The following PREX2 variants were observed in gnomAD, a reference collection of about 807,000 sequenced individuals.
The protein encoded by PREX2 is phosphatidylinositol-3,4,5-trisphosphate dependent Rac exchange factor 2.
PREX2 carries 107 observed loss-of-function variants against 203.2 expected under a neutral mutation model. The ratio of observed to expected loss-of-function variants is 0.53; its 90% CI spans 0.45 to 0.62. PREX2 has a LOEUF of 0.62. PREX2 is among the 20% of genes least tolerant of loss of function. PREX2 has a pLI of 0.00. For missense variants in PREX2, 1,777 were observed against 1,955.9 expected, an observed-to-expected ratio of 0.91 and a Z score of 1.72; for synonymous variants, 672 against 663.6, an observed-to-expected ratio of 1.01 and a Z score of -0.19.
chr8:68,118,398 T>G (rs1202829735), intron 26 of PREX2, 152 bp from the exon 27 acceptor site: 18 of 562,348 alleles, frequency 3.2e-5, no homozygotes, highest in Middle Eastern at 6.5e-4. Context: ...CTTTAAAAAG[T>G]AAGATAGACT....
chr8:68,196,982 T>C (rs1488586974), intron 37 of PREX2, among the ~76,000 whole-genome samples: 1 of 152,172 alleles, frequency 6.6e-6, no homozygotes, highest in Non-Finnish European at 1.5e-5. Flanking sequence ...TATTTTCTCA[T>C]AGTTCTGGAG....
In PREX2 at chr8:68,120,261, T is replaced by G; in HGVS notation, c.3570T>G (p.Tyr1190Ter). The change falls in exon 29 of 40, where the codon TAT becomes TAG. Residue 1190 changes from tyrosine to a stop codon, truncating the protein, a stop_gained. Coordinates refer to ENST00000288368, the MANE Select transcript of PREX2 (RefSeq NM_024870.4). LOFTEE classifies it high-confidence loss of function. ...AVVRAFDQTK[Y>*]LTPGRGLQEF... ...TGAGGGCCTTTGACCAAACCAAGTA[T>G]CTCACTCCAGGCCGAGGATTGCAAG... The G allele has an allele frequency of 6.2e-7, 1 of 1,613,736 alleles. No individual in the cohort carries two copies. Among genetic ancestry groups the G allele is most frequent in the Non-Finnish European group, 8.5e-7 (1 of 1,179,736 alleles).
chr8:68,037,882 G>A (rs1166711421), intron 6 of PREX2, among the ~76,000 whole-genome samples: 2 of 152,200 alleles, frequency 1.3e-5, no homozygotes, highest in East Asian at 3.9e-4. Flanking sequence ...ACATGACATA[G>A]GTGACATGTA....
intron 8 of PREX2, among the ~76,000 whole-genome samples, chr8:68,045,002 T>C (rs1808308778): frequency 6.6e-6 from 1 of 152,128 alleles, no homozygotes; most frequent in Non-Finnish European, 1.5e-5. Flanking sequence ...GTCTTAGCTA[T>C]GTAGTTGTTT....
chr8:68,076,847 T>A (rs919244740), intron 14 of PREX2, among the ~76,000 whole-genome samples: 3 of 152,176 alleles, frequency 2.0e-5, no homozygotes, highest in Non-Finnish European at 4.4e-5. Context: ...ATCTGATTTT[T>A]TTTTTTGGCA....
At chr8:68,032,107 A>G (rs1807902609) in intron 6 of PREX2, among the ~76,000 whole-genome samples, 1 of 152,196 alleles carries the variant, frequency 6.6e-6, no homozygotes, top group Non-Finnish European at 1.5e-5. Flanking sequence ...TGTAGGTGGA[A>G]CTATATCATA....
chr8:68,215,347 A>G (rs1027208713), intron 37 of PREX2, among the ~76,000 whole-genome samples: 8 of 152,184 alleles, frequency 5.3e-5, no homozygotes, highest in South Asian at 2.1e-4. Context: ...ATATTTCAGC[A>G]TGATTAGAAA....
chr8:68,083,509 C>A, intron 18 of PREX2, 121 bp downstream of exon 18: 1 of 664,528 alleles, frequency 1.5e-6, no homozygotes, highest in Non-Finnish European at 2.5e-6. Flanking sequence ...TTGAACCTCA[C>A]CGGTATCATT....
At position 68,187,108 on chromosome 8, in the gene PREX2, T is replaced by C. The variant is rs1168694833; in HGVS notation, c.4347-4614T>C. 1.3e-5 allele frequency among the ~76,000 whole-genome samples: 2 copies of C among 152,188 alleles called. 1 individual carries two copies. Among genetic ancestry groups the C allele is most frequent in the South Asian group, 4.2e-4 (2 of 4,810 alleles). On this transcript the variant is annotated intron_variant, in intron 35 of 39. Coordinates refer to ENST00000288368, the MANE Select transcript of PREX2 (RefSeq NM_024870.4). Reference sequence around the variant, plus strand: ...CAACCAGCTGTTTCTGTAGCAATGCTTCCCTTAGGTGGTACTGATGAGCTA... The same window carrying C: ...CAACCAGCTGTTTCTGTAGCAATGCCTCCCTTAGGTGGTACTGATGAGCTA...
At chr8:68,120,397 T>C (rs1327455930) in intron 29 of PREX2, 111 bp downstream of exon 29, 1 of 708,700 alleles carries the variant, frequency 1.4e-6, no homozygotes, top group Non-Finnish European at 2.5e-6. Context: ...GTTACTCATG[T>C]TTCATAATTC....
At chr8:68,161,600 C>A (rs1223487015) in intron 35 of PREX2, among the ~76,000 whole-genome samples, 1 of 152,104 alleles carries the variant, frequency 6.6e-6, no homozygotes, top group African/African-American at 2.4e-5. Context: ...CCTTCTACAG[C>A]TTGCTTAAAA....
At chr8:68,177,066 A>C (rs1246562786) in intron 35 of PREX2, 1 of 153,140 alleles carries the variant, frequency 6.5e-6, no homozygotes, top group South Asian at 2.1e-4. Flanking sequence ...AGATCTGCTG[A>C]GAACAATGAT....
intron 1 of PREX2, among the ~76,000 whole-genome samples, chr8:68,014,612 G>A (rs997691561): frequency 6.6e-6 from 1 of 152,144 alleles, no homozygotes; most frequent in Admixed American, 6.5e-5. Context: ...CGTCCTCTGC[G>A]GGGTGCCAGC....
intron 10 of PREX2, 61 bp downstream of exon 10, chr8:68,056,035 CT>C (rs1371424449): frequency 6.7e-7 from 1 of 1,483,312 alleles, no homozygotes; most frequent in Non-Finnish European, 9.1e-7. Context: ...CACCTGTTAA[CT>C]TTCCTTCAAT....
intron 4 of PREX2, among the ~76,000 whole-genome samples, chr8:68,023,557 A>G (rs1807629406): frequency 6.6e-6 from 1 of 152,106 alleles, no homozygotes; most frequent in African/African-American, 2.4e-5. Flanking sequence ...ATTTCCTCTC[A>G]GTGTTGTTTG....
intron 23 of PREX2, chr8:68,104,999 G>A: frequency 5.5e-6 from 3 of 549,866 alleles, no homozygotes; most frequent in Non-Finnish European, 8.7e-6. Flanking sequence ...TTTCTCCAAA[G>A]CAGATTAATG....
intron 1 of PREX2, among the ~76,000 whole-genome samples, chr8:68,016,545 G>T (rs1185982458): frequency 6.6e-6 from 1 of 152,042 alleles, no homozygotes; most frequent in East Asian, 1.9e-4. Flanking sequence ...GAATCCCCTT[G>T]TTTGAATATT....
chr8:68,142,656 T>G (rs1200783385), intron 33 of PREX2, among the ~76,000 whole-genome samples: 1 of 152,150 alleles, frequency 6.6e-6, no homozygotes, highest in Non-Finnish European at 1.5e-5. Context: ...GGACCATGAT[T>G]CCTGGATCGT....
At chr8:68,121,169 A>G in intron 30 of PREX2, 120 bp downstream of exon 30, 2 of 1,037,980 alleles carry the variant, frequency 1.9e-6, no homozygotes, top group Non-Finnish European at 2.9e-6. Flanking sequence ...TGTGAAGAAA[A>G]TAAAAGTACT....
Sources: gnomAD v4.1 joint callset for allele counts (sites outside exome capture counted in the v4.1 genomes callset) on GRCh38, gnomAD v4.1.1 for gene constraint, MANE v1.5 for transcripts, NCBI Gene and HGNC (gene_info 2026-07-23, HGNC 2026-07-21) for gene names.